The following TENM3 variants were observed in gnomAD, a reference collection of about 807,000 sequenced individuals.
TENM3 encodes the protein teneurin transmembrane protein 3.
Under a neutral mutation model 255.1 loss-of-function variants are expected in TENM3, and 63 were observed. The observed-to-expected ratio is 0.25, with a 90% CI of 0.20 to 0.30. TENM3 has a LOEUF of 0.30. Ranked by LOEUF, TENM3 falls within the 10% of genes least tolerant of loss-of-function variation. The pLI is 1.00. For missense variants in TENM3, 2,929 were observed against 3,461.1 expected (o/e 0.85, Z 3.86); for synonymous variants, 1,306 against 1,322.3 (o/e 0.99, Z 0.27).
chr4:181,695,938 A>G, the TENM3 span, among the ~76,000 whole-genome samples: 2 of 148,228 alleles, frequency 1.3e-5, no homozygotes, highest in African/African-American at 2.5e-5. Context: ...TTTTTTTTTT[A>G]ATTTAGGGGG....
intron 1 of TENM3, among the ~76,000 whole-genome samples, chr4:182,212,871 G>A (rs578220515): frequency 2.6e-5 from 4 of 152,192 alleles, no homozygotes; most frequent in South Asian, 4.1e-4. Flanking sequence ...TGCCCAAGAG[G>A]TACAACGCAA....
the TENM3 span, among the ~76,000 whole-genome samples, chr4:181,572,319 T>C: frequency 1.3e-5 from 2 of 152,186 alleles, no homozygotes; most frequent in Non-Finnish European, 2.9e-5. Context: ...AGGTAGGATT[T>C]TTATTGTTAA....
At chr4:182,758,186 C>T (rs1194047025) in intron 22 of TENM3, among the ~76,000 whole-genome samples, 1 of 152,110 alleles carries the variant, frequency 6.6e-6, no homozygotes, top group Non-Finnish European at 1.5e-5. Context: ...AGCACTTAAC[C>T]CAAGGAATTC....
the TENM3 span, among the ~76,000 whole-genome samples, chr4:181,568,919 A>G: frequency 6.6e-6 from 1 of 152,228 alleles, no homozygotes; most frequent in Admixed American, 6.5e-5. Flanking sequence ...CCCCAAGGGT[A>G]GGGATTATTG....
At chr4:181,945,377 C>T in the TENM3 span, among the ~76,000 whole-genome samples, 4 of 152,006 alleles carry the variant, frequency 2.6e-5, no homozygotes, top group African/African-American at 9.7e-5. Flanking sequence ...TGCTTTCATC[C>T]GAAGAGCAAG....
At chr4:182,763,317 A>G (rs1252650819) in intron 22 of TENM3, among the ~76,000 whole-genome samples, 2 of 152,176 alleles carry the variant, frequency 1.3e-5, no homozygotes, top group East Asian at 1.9e-4. Flanking sequence ...AATCCCAACA[A>G]CACTTTGGGA....
At chr4:182,183,575 T>C (rs1013170103) in intron 1 of TENM3, among the ~76,000 whole-genome samples, 1 of 152,202 alleles carries the variant, frequency 6.6e-6, no homozygotes, top group Non-Finnish European at 1.5e-5. Context: ...TTCCTTTCCT[T>C]CTTTTCTAGT....
the TENM3 span, among the ~76,000 whole-genome samples, chr4:181,664,462 C>T: frequency 1.4e-5 from 2 of 141,492 alleles, no homozygotes; most frequent in African/African-American, 5.6e-5. Context: ...AAGAGCGAGA[C>T]TCTGTCTAAA....
the TENM3 span, among the ~76,000 whole-genome samples, chr4:182,025,441 A>T: frequency 6.6e-6 from 1 of 152,174 alleles, no homozygotes; most frequent in African/African-American, 2.4e-5. Context: ...GTTGCTTCCA[A>T]ACCTTGGCTA....
chr4:181,837,964 C>T, the TENM3 span, among the ~76,000 whole-genome samples: 1 of 152,006 alleles, frequency 6.6e-6, no homozygotes, highest in Non-Finnish European at 1.5e-5. Context: ...ATGGTGAAAC[C>T]CTGTCTCTAC....
the TENM3 span, among the ~76,000 whole-genome samples, chr4:181,905,096 C>T: frequency 3.3e-5 from 5 of 152,108 alleles, no homozygotes; most frequent in South Asian, 2.1e-4. Context: ...GTAAATTGCC[C>T]GGTCTCAGAT....
At chr4:182,712,759 G>A (rs1758848105) in intron 12 of TENM3, among the ~76,000 whole-genome samples, 1 of 152,176 alleles carries the variant, frequency 6.6e-6, no homozygotes, top group South Asian at 2.1e-4. Flanking sequence ...ATTGTTCCCT[G>A]AAATTTTGTC....
chr4:182,118,750 G>C, the TENM3 span, among the ~76,000 whole-genome samples: 1 of 152,172 alleles, frequency 6.6e-6, no homozygotes, highest in African/African-American at 2.4e-5. Flanking sequence ...TTGTCAATGT[G>C]ATGGATTACA....
the TENM3 span, among the ~76,000 whole-genome samples, chr4:181,834,518 C>T: frequency 2.0e-5 from 3 of 152,310 alleles, no homozygotes; most frequent in East Asian, 3.9e-4. Flanking sequence ...AACTGGCATA[C>T]GAGCAGCCTC....
At chr4:181,921,292 G>C in the TENM3 span, among the ~76,000 whole-genome samples, 1 of 152,098 alleles carries the variant, frequency 6.6e-6, no homozygotes, top group South Asian at 2.1e-4. Context: ...TAGCTTGATG[G>C]GGATGGCATT....
chr4:182,351,699 T>C (rs542246472), intron 3 of TENM3, among the ~76,000 whole-genome samples: 7 of 152,250 alleles, frequency 4.6e-5, no homozygotes, highest in African/African-American at 9.6e-5. Flanking sequence ...AGAGCCTCCA[T>C]TGAGGACAGT....
intron 3 of TENM3, among the ~76,000 whole-genome samples, chr4:182,546,093 A>G (rs906236147): frequency 6.6e-6 from 1 of 152,210 alleles, no homozygotes; most frequent in African/African-American, 2.4e-5. Context: ...ACTGTTCATT[A>G]AGTGGAAGTG....
At chr4:181,553,196 CA>C in the TENM3 span, among the ~76,000 whole-genome samples, 1 of 151,058 alleles carries the variant, frequency 6.6e-6, no homozygotes, top group Non-Finnish European at 1.5e-5. Context: ...CCTGAAGATC[CA>C]GAAAATTTTA....
chr4:181,936,635 G>T, the TENM3 span, among the ~76,000 whole-genome samples: 3 of 152,110 alleles, frequency 2.0e-5, no homozygotes, highest in African/African-American at 7.2e-5. Flanking sequence ...TTAGAGAATA[G>T]CAGGGAAGAC....
Sources: gnomAD v4.1 joint callset for allele counts (sites outside exome capture counted in the v4.1 genomes callset) on GRCh38, gnomAD v4.1.1 for gene constraint, MANE v1.5 for transcripts, NCBI Gene and HGNC (gene_info 2026-07-23, HGNC 2026-07-21) for gene names.